SAMMSON: variants seen among roughly 807,000 people sequenced by gnomAD.
The protein encoded by SAMMSON is survival associated mitochondrial melanoma specific oncogenic non-coding RNA.
chr3:70,199,940 C>G (rs1243020347), intron 4 of SAMMSON, among the ~76,000 whole-genome samples: 1 of 152,202 alleles, frequency 6.6e-6, no homozygotes, highest in South Asian at 2.1e-4. Flanking sequence ...TTTTGGATCT[C>G]TCTCTCCCCA....
rs148689978 is a variant in SAMMSON, at chr3:70,053,653, G to A, written n.418-17823G>A. 1.6e-3 allele frequency among the ~76,000 whole-genome samples: 248 copies of A among 152,208 alleles called. 4 individuals carry two copies. The South Asian group carries it at 0.034, about 21-fold the overall frequency. On this transcript the variant is annotated intron_variant and non_coding_transcript_variant, in intron 3 of 9. Transcript: ENST00000642114. ...TGTCCTGGATGCATATATATTTTGA[G>A]GAATTTTAATGGAATTAGTTCAGTT...
chr3:70,094,462 A>G (rs373813891), intron 4 of SAMMSON, among the ~76,000 whole-genome samples: 41 of 152,174 alleles, frequency 2.7e-4, no homozygotes, highest in African/African-American at 9.2e-4. Flanking sequence ...ATTACTTAAT[A>G]TGCTCTAAAA....
In SAMMSON at chr3:70,142,729, G is replaced by A. The variant is rs145325650; in HGVS notation, n.507+71164G>A. On this transcript the variant is annotated intron_variant and non_coding_transcript_variant, in intron 4 of 9. Coordinates refer to ENST00000642114, the Ensembl canonical transcript of SAMMSON. ...ATAAAAAATAAAATTTATTAATTTT[G>A]TCAGTCAAAAAAATATCTTCTTGGT... 6.6e-5 allele frequency among the ~76,000 whole-genome samples: 10 copies of A among 152,206 alleles called. No individual in the cohort carries two copies. The East Asian group carries it at 1.5e-3, about 24-fold the overall frequency.
At chr3:70,015,762 G>T (rs1434183222) in intron 3 of SAMMSON, among the ~76,000 whole-genome samples, 4 of 152,010 alleles carry the variant, frequency 2.6e-5, no homozygotes. Flanking sequence ...CCCTTCCTGT[G>T]TCCAAGTGTT....
rs928465556 is a variant in SAMMSON at position 70,187,427 on chromosome 3, CTTTTTTTTTTTTTT to C, written n.508-61665_508-61652del. 1.0e-3 allele frequency among the ~76,000 whole-genome samples: 74 copies of C among 73,154 alleles called. 1 individual carries two copies. In the South Asian group the frequency reaches 0.016, roughly 16 times the overall value. 48.0% of individuals were successfully genotyped at this position (73,154 alleles called of 152,430 possible). ...GCATGAGACAGCTCTGGGACCAACT[CTTTTTTTTTTTTTT>C]TTTTTTTTTTTTTTGAGACGGAGTT... On this transcript the variant is annotated intron_variant and non_coding_transcript_variant, in intron 4 of 9. Coordinates refer to ENST00000642114, the Ensembl canonical transcript of SAMMSON.
chr3:70,397,317 T>G (rs1046081666), intron 2 of SAMMSON, among the ~76,000 whole-genome samples: 8 of 152,072 alleles, frequency 5.3e-5, no homozygotes, highest in African/African-American at 1.9e-4. Context: ...TTCTTTTTGT[T>G]TTTTTGGGAC....
chr3:70,418,919 TCTTTCCTTTCCTTTCCTTTC>T (rs200336047), intron 2 of SAMMSON, among the ~76,000 whole-genome samples: 1,523 of 85,086 alleles, frequency 0.018, 39 homozygotes, highest in African/African-American at 0.068. Flanking sequence ...ATGTTTGCTT[TCTTTCCTTTCCTTTCCTTTC>T]CTTTCCTTTC....
chr3:70,167,924 T>A (rs1489290790), intron 4 of SAMMSON, among the ~76,000 whole-genome samples: 1 of 151,976 alleles, frequency 6.6e-6, no homozygotes. Flanking sequence ...GCTAAAGTAT[T>A]GATTTTGGAC....
At chr3:70,090,319 C>A (rs1391534749) in intron 4 of SAMMSON, among the ~76,000 whole-genome samples, 2 of 152,110 alleles carry the variant, frequency 1.3e-5, no homozygotes, top group East Asian at 3.9e-4. Context: ...ATTTTGGTAG[C>A]ACAGCAACTC....
At chr3:70,105,001 C>T (rs1559791932) in intron 4 of SAMMSON, among the ~76,000 whole-genome samples, 3 of 152,006 alleles carry the variant, frequency 2.0e-5, no homozygotes, top group Non-Finnish European at 4.4e-5. Context: ...AAAAAATCAA[C>T]ATTGGGAAAG....
intron 4 of SAMMSON, among the ~76,000 whole-genome samples, chr3:70,232,276 T>C (rs1288621569): frequency 2.0e-5 from 3 of 152,218 alleles, no homozygotes; most frequent in African/African-American, 7.2e-5. Flanking sequence ...ACTACTGTTA[T>C]TATAAGGTAG....
chr3:70,197,503 C>A (rs992427967), intron 4 of SAMMSON, among the ~76,000 whole-genome samples: 1 of 152,182 alleles, frequency 6.6e-6, no homozygotes, highest in Non-Finnish European at 1.5e-5. Context: ...AATTAGCTAC[C>A]TCTCTGGAAA....
intron 4 of SAMMSON, among the ~76,000 whole-genome samples, chr3:70,112,053 T>C (rs149980863): frequency 6.6e-6 from 1 of 152,230 alleles, no homozygotes; most frequent in East Asian, 1.9e-4. Context: ...TGTGAACTAT[T>C]AATGAAAGAT....
chr3:70,024,712 A>T (rs1576100457), intron 3 of SAMMSON: 1 of 152,220 alleles, frequency 6.6e-6, no homozygotes, highest in South Asian at 2.1e-4. Context: ...TACAAACCTC[A>T]TCGTAGAAGA....
intron 3 of SAMMSON, among the ~76,000 whole-genome samples, chr3:70,034,775 C>T (rs1156348889): frequency 2.2e-4 from 34 of 152,102 alleles, no homozygotes; most frequent in African/African-American, 3.4e-4. Context: ...ATCTGGGAGG[C>T]GGAGGTTGCA....
At chr3:70,380,962 G>A (rs1703061511) in intron 9 of SAMMSON, among the ~76,000 whole-genome samples, 1 of 152,114 alleles carries the variant, frequency 6.6e-6, no homozygotes, top group Admixed American at 6.5e-5. Flanking sequence ...ATTTGGGTTG[G>A]TTCCAAGTCT....
intron 4 of SAMMSON, among the ~76,000 whole-genome samples, chr3:70,106,255 A>G (rs934895472): frequency 1.3e-5 from 2 of 152,124 alleles, no homozygotes; most frequent in African/African-American, 4.8e-5. Context: ...CCATTTAAAC[A>G]TTTAAACCAG....
intron 9 of SAMMSON, among the ~76,000 whole-genome samples, chr3:70,369,759 A>C (rs1169736154): frequency 3.3e-5 from 5 of 151,892 alleles, no homozygotes; most frequent in African/African-American, 1.2e-4. Context: ...ATAACAAACC[A>C]GTCAGGGTGT....
chr3:70,090,704 CTT>C (rs2067301938), intron 4 of SAMMSON, among the ~76,000 whole-genome samples: 1 of 151,444 alleles, frequency 6.6e-6, no homozygotes, highest in Non-Finnish European at 1.5e-5. Context: ...CTACTGTACA[CTT>C]ATGTTAAAAG....
Sources: gnomAD v4.1 joint callset for allele counts (sites outside exome capture counted in the v4.1 genomes callset) on GRCh38, gnomAD v4.1.1 for gene constraint, MANE v1.5 for transcripts, NCBI Gene and HGNC (gene_info 2026-07-23, HGNC 2026-07-21) for gene names.